TYW1B: variants seen among roughly 807,000 people sequenced by gnomAD.
The protein encoded by TYW1B is S-adenosyl-L-methionine-dependent tRNA 4-demethylwyosine synthase TYW1B.
Under a neutral mutation model 86.9 loss-of-function variants are expected in TYW1B, and 73 were observed. The observed-to-expected ratio is 0.84, with a 90% CI of 0.70 to 1.02. The LOEUF is 1.02. Among genes scored for constraint, TYW1B ranks in the 50% least tolerant of loss-of-function variants. The probability of loss-of-function intolerance (pLI) is 0.00; values close to 1 mark genes in which losing one functional copy is unlikely to be tolerated. For missense variants in TYW1B, 637 were observed against 827.4 expected (o/e 0.77, Z 2.82); for synonymous variants, 248 against 292.8 (o/e 0.85, Z 1.56).
intron 12 of TYW1B, among the ~76,000 whole-genome samples, chr7:72,624,795 C>T (rs7779213): frequency 0.033 from 5,003 of 152,230 alleles, 251 homozygotes; most frequent in African/African-American, 0.11. Context: ...TGGTGGCTCA[C>T]GCCTGTAATC....
At chr7:72,752,121 TGG>T (rs1483246818) in intron 7 of TYW1B, among the ~76,000 whole-genome samples, 2 of 152,122 alleles carry the variant, frequency 1.3e-5, no homozygotes, top group African/African-American at 4.8e-5. Flanking sequence ...CTTGTGGTGG[TGG>T]GGCCCCTCTT....
chr7:72,695,158 T>A (rs1814285270), intron 10 of TYW1B, among the ~76,000 whole-genome samples: 1 of 152,184 alleles, frequency 6.6e-6, no homozygotes, highest in South Asian at 2.1e-4. Context: ...TTAGAGGGGC[T>A]CTCTGATCTA....
At chr7:72,649,853 A>G (rs1435416794) in intron 11 of TYW1B, among the ~76,000 whole-genome samples, 1 of 152,148 alleles carries the variant, frequency 6.6e-6, no homozygotes, top group African/African-American at 2.4e-5. Flanking sequence ...TGGAAAATTA[A>G]TCATTCAAAT....
At chr7:72,692,630 GAAGAAAA>G (rs1814198410) in intron 11 of TYW1B, among the ~76,000 whole-genome samples, 1 of 152,074 alleles carries the variant, frequency 6.6e-6, no homozygotes, top group Non-Finnish European at 1.5e-5. Context: ...AGACAAAACA[GAAGAAAA>G]ACAGTGTTTT....
intron 12 of TYW1B, among the ~76,000 whole-genome samples, chr7:72,620,269 C>T (rs1200588233): frequency 3.3e-5 from 5 of 151,750 alleles, no homozygotes; most frequent in African/African-American, 1.2e-4. Context: ...TGGTGGTGCC[C>T]GCCTGTAATC....
intron 11 of TYW1B, among the ~76,000 whole-genome samples, chr7:72,641,871 T>C (rs1377355219): frequency 2.4e-4 from 37 of 152,212 alleles, no homozygotes; most frequent in Non-Finnish European, 2.9e-5. Context: ...TTTTGCAGGC[T>C]TTAAAAGCTG....
intron 6 of TYW1B, among the ~76,000 whole-genome samples, chr7:72,802,031 G>A (rs200665042): frequency 8.8e-6 from 1 of 114,004 alleles, no homozygotes; most frequent in Admixed American, 1.0e-4. Flanking sequence ...ATTATGAGAT[G>A]TATTTTGCGA....
intron 3 of TYW1B, among the ~76,000 whole-genome samples, chr7:72,815,124 C>T (rs1275714006): frequency 6.6e-6 from 1 of 151,382 alleles, no homozygotes; most frequent in African/African-American, 2.4e-5. Context: ...TTCCAACCAC[C>T]CAAGCTTTCT....
intron 4 of TYW1B, among the ~76,000 whole-genome samples, chr7:72,808,772 C>T (rs1214211224): frequency 2.0e-5 from 3 of 152,040 alleles, no homozygotes; most frequent in Non-Finnish European, 4.4e-5. Context: ...GGTGATCCGC[C>T]CGCCTCTGCC....
intron 8 of TYW1B, among the ~76,000 whole-genome samples, chr7:72,741,988 G>T (rs534570778): frequency 6.6e-6 from 1 of 152,224 alleles, no homozygotes; most frequent in African/African-American, 2.4e-5. Context: ...ATGCTAAAGG[G>T]AGTCCTTCAG....
In TYW1B at chr7:72,673,812, T is replaced by C. The variant is rs1409395700; in HGVS notation, c.1506+20875A>G. 2.0e-5 allele frequency among the ~76,000 whole-genome samples: 3 copies of C among 152,338 alleles called. No homozygotes were observed. In the East Asian group the frequency reaches 5.8e-4, roughly 29 times the overall value. ...TGGAGAGGATAGATACCACATTTTCTATCACGTAATTATTACATATTATAT... is the reference window on the plus strand; with the variant it reads ...TGGAGAGGATAGATACCACATTTTCCATCACGTAATTATTACATATTATAT... On this transcript the variant is annotated intron_variant, in intron 11 of 13. Coordinates refer to ENST00000620995, the MANE Select transcript of TYW1B (RefSeq NM_001145440.3).
chr7:72,610,618 A>G (rs1407048649), intron 13 of TYW1B, among the ~76,000 whole-genome samples: 3 of 152,138 alleles, frequency 2.0e-5, no homozygotes, highest in East Asian at 1.9e-4. Context: ...CCTGAGGGTT[A>G]TAACAGGTTT....
intron 11 of TYW1B, among the ~76,000 whole-genome samples, chr7:72,693,316 G>C (rs368089249): frequency 6.6e-6 from 1 of 151,852 alleles, no homozygotes; most frequent in East Asian, 1.9e-4. Context: ...CATTCAATGT[G>C]AACATTCTGA....
At chr7:72,585,186 A>G (rs1341791122) in intron 13 of TYW1B, among the ~76,000 whole-genome samples, 17 of 152,220 alleles carry the variant, frequency 1.1e-4, no homozygotes, top group Non-Finnish European at 1.9e-4. Flanking sequence ...AACTTGTATC[A>G]TTCAGCTGGC....
chr7:72,662,915 C>G (rs1399434572), intron 11 of TYW1B, among the ~76,000 whole-genome samples: 2 of 152,182 alleles, frequency 1.3e-5, no homozygotes, highest in Non-Finnish European at 2.9e-5. Context: ...GAAAGTGCTT[C>G]CTTCTTTCTA....
chr7:72,798,460 A>G (rs1219194903), intron 6 of TYW1B, among the ~76,000 whole-genome samples: 7 of 152,166 alleles, frequency 4.6e-5, no homozygotes, highest in African/African-American at 1.7e-4. Context: ...ACATTAATGC[A>G]TATCAATCCA....
intron 11 of TYW1B, among the ~76,000 whole-genome samples, chr7:72,632,450 A>C (rs797026609): frequency 1.2e-5 from 1 of 86,312 alleles, no homozygotes; most frequent in Non-Finnish European, 2.2e-5. Context: ...ATATATATAA[A>C]ATATATATAT....
At chr7:72,613,169 C>T (rs1442775187) in intron 13 of TYW1B, among the ~76,000 whole-genome samples, 4 of 152,034 alleles carry the variant, frequency 2.6e-5, no homozygotes, top group African/African-American at 9.7e-5. Flanking sequence ...ACTACAGAGA[C>T]TTGAGAAGAA....
intron 8 of TYW1B, among the ~76,000 whole-genome samples, chr7:72,735,652 C>CTGAG (rs1376921842): frequency 2.6e-5 from 4 of 151,758 alleles, no homozygotes; most frequent in African/African-American, 9.7e-5. Flanking sequence ...GGCAGATCAC[C>CTGAG]TGAGGTCAGG....
Sources: gnomAD v4.1 joint callset for allele counts (sites outside exome capture counted in the v4.1 genomes callset) on GRCh38, gnomAD v4.1.1 for gene constraint, MANE v1.5 for transcripts, NCBI Gene and HGNC (gene_info 2026-07-23, HGNC 2026-07-21) for gene names.